DCAF12: variants seen among roughly 807,000 people sequenced by gnomAD.
DCAF12 encodes DDB1- and CUL4-associated factor 12.
DCAF12 carries 28 observed loss-of-function variants against 52.8 expected under a neutral mutation model. The observed-to-expected ratio is 0.53, with a 90% CI of 0.39 to 0.73. DCAF12 has a LOEUF of 0.73. Ranked by LOEUF, DCAF12 falls within the 30% of genes least tolerant of loss-of-function variation. The pLI is 0.00. For synonymous variants in DCAF12, 196 were observed against 215.5 expected, an observed-to-expected ratio of 0.91 and a Z score of 0.79; for missense variants, 425 against 552.2, an observed-to-expected ratio of 0.77 and a Z score of 2.31.
chr9:34,097,199 C>G (rs1056733860), intron 5 of DCAF12, among the ~76,000 whole-genome samples: 1 of 150,948 alleles, frequency 6.6e-6, no homozygotes, highest in Admixed American at 6.6e-5. Flanking sequence ...CAAACTGTGG[C>G]CTGATTCAGA....
At chr9:34,122,563 G>A (rs1287645935) in intron 2 of DCAF12, among the ~76,000 whole-genome samples, 2 of 142,342 alleles carry the variant, frequency 1.4e-5, no homozygotes, top group Non-Finnish European at 3.0e-5. Flanking sequence ...TACAACCTCC[G>A]CCTCCCGGGT....
At chr9:34,112,756 G>T (rs1210050431) in intron 2 of DCAF12, among the ~76,000 whole-genome samples, 1 of 151,764 alleles carries the variant, frequency 6.6e-6, no homozygotes, top group Non-Finnish European at 1.5e-5. Flanking sequence ...AAATTAGCCG[G>T]GTGTGGTGGC....
At chr9:34,091,276 G>A (rs1828639854) in intron 7 of DCAF12, among the ~76,000 whole-genome samples, 1 of 151,898 alleles carries the variant, frequency 6.6e-6, no homozygotes, top group Non-Finnish European at 1.5e-5. Flanking sequence ...GCAGTGAGCT[G>A]AGATCACACC....
chr9:34,102,099 G>A (rs563445746), intron 4 of DCAF12, among the ~76,000 whole-genome samples: 59 of 151,530 alleles, frequency 3.9e-4, no homozygotes, highest in Non-Finnish European at 8.1e-4. Flanking sequence ...CTGGGAGACC[G>A]GGTAACATGG....
chr9:34,116,381 AT>A (rs1224437484), intron 2 of DCAF12, among the ~76,000 whole-genome samples: 1 of 151,806 alleles, frequency 6.6e-6, no homozygotes, highest in Admixed American at 6.6e-5. Flanking sequence ...AAATAAATAA[AT>A]AAATCTGGCT....
chr9:34,104,651 C>T (rs774517270), intron 4 of DCAF12, among the ~76,000 whole-genome samples: 6 of 152,196 alleles, frequency 3.9e-5, no homozygotes, highest in Non-Finnish European at 7.3e-5. Context: ...TGCAGTGGCT[C>T]ATGCCTGTAA....
chr9:34,093,748 T>C (rs538232816), intron 6 of DCAF12: 166 of 296,212 alleles, frequency 5.6e-4, no homozygotes, highest in African/African-American at 3.4e-3. Flanking sequence ...GTTTCAACTA[T>C]TCAGGTTGTT....
At chr9:34,119,633 T>C (rs1829140641) in intron 2 of DCAF12, among the ~76,000 whole-genome samples, 1 of 152,042 alleles carries the variant, frequency 6.6e-6, no homozygotes, top group South Asian at 2.1e-4. Flanking sequence ...TTCTCAGGTG[T>C]GAACATTTTA....
At chr9:34,103,364 G>C (rs1828859361) in intron 4 of DCAF12, among the ~76,000 whole-genome samples, 1 of 149,162 alleles carries the variant, frequency 6.7e-6, no homozygotes, top group African/African-American at 2.5e-5. Context: ...CTAAGACATG[G>C]CCACTGCACT....
intron 4 of DCAF12, among the ~76,000 whole-genome samples, chr9:34,100,198 C>CTTT (rs35820744): frequency 1.7e-5 from 2 of 117,766 alleles, no homozygotes; most frequent in Non-Finnish European, 3.5e-5. Context: ...CCATGACTGG[C>CTTT]TTTTTTTTTT....
intron 2 of DCAF12, among the ~76,000 whole-genome samples, chr9:34,117,611 A>G (rs1829108005): frequency 6.6e-6 from 1 of 152,162 alleles, no homozygotes; most frequent in Admixed American, 6.6e-5. Flanking sequence ...ATCTAAACAA[A>G]TATTTGTTAA....
intron 2 of DCAF12, among the ~76,000 whole-genome samples, chr9:34,121,874 C>G (rs781768494): frequency 4.6e-5 from 7 of 152,146 alleles, no homozygotes; most frequent in Non-Finnish European, 8.8e-5. Flanking sequence ...ACCCAGGAGG[C>G]AGAGGTTGCA....
At chr9:34,111,860 C>T (rs529266935) in intron 2 of DCAF12, among the ~76,000 whole-genome samples, 87 of 152,144 alleles carry the variant, frequency 5.7e-4, no homozygotes, top group South Asian at 1.5e-3. Context: ...ATGGGCCAGG[C>T]GCAGTGGCTT....
At position 34,087,477 on chromosome 9, in the gene DCAF12, A is replaced by C. The variant is rs1399907002; in HGVS notation, c.*873T>G. 6 of 152,282 alleles carry C rather than the reference A, an allele frequency of 3.9e-5. No homozygotes were observed. The highest frequency in any genetic ancestry group is 2.1e-4 in the South Asian group (1 of 4,834). 9.4% of individuals were successfully genotyped at this position (152,282 alleles called of 1,614,324 possible). On this transcript the variant is annotated 3_prime_UTR_variant, in exon 9 of 9. Coordinates refer to ENST00000361264, the MANE Select transcript of DCAF12 (RefSeq NM_015397.4). ...AAGCTAGGATGGGGATTCAAGTCCC[A>C]TGAAGCCTTTTGTAGCCTCTGGAGC...
chr9:34,105,590 G>A (rs971558658), intron 4 of DCAF12, among the ~76,000 whole-genome samples: 16 of 152,124 alleles, frequency 1.1e-4, no homozygotes, highest in Non-Finnish European at 2.9e-5. Context: ...AGGATGCAGT[G>A]AGCTAGGATC....
Position 34,089,439 on chromosome 9 carries a change from C to T in DCAF12, c.1176G>A (p.Leu392=). The T allele has an allele frequency of 1.2e-6, 2 of 1,613,820 alleles. No individual in the cohort carries two copies. The highest frequency in any genetic ancestry group is 1.7e-6 in the Non-Finnish European group (2 of 1,179,864). ...GCCAGCCTTTGCCAGTGGTTAGTTT[C>T]AGATTCTCCCCTGCTAGTCTGGGCT... The part of the protein sequence containing the change: ...GSKPRLAGEN[L]KLTTGKGWLN... The change falls in exon 8 of 9, where the codon CTG becomes CTA. Residue 392 remains leucine, a synonymous_variant. Transcript: ENST00000361264.
chr9:34,117,732 T>C (rs1829109765), intron 2 of DCAF12, among the ~76,000 whole-genome samples: 2 of 152,058 alleles, frequency 1.3e-5, no homozygotes, highest in Non-Finnish European at 1.5e-5. Context: ...CTCACCAACA[T>C]GGAGAAACCC....
rs1240889826 is a variant in DCAF12 at position 34,087,389 on chromosome 9, G to A, written c.*961C>T. ...GGGGCTATGGATGTGAATCTTAGCA[G>A]ACTTGAGACTCCCAGCTCCAGGCCC... On this transcript the variant is annotated 3_prime_UTR_variant, in exon 9 of 9. Coordinates refer to ENST00000361264, the MANE Select transcript of DCAF12 (RefSeq NM_015397.4). 6.6e-6 allele frequency: 1 copy of A among 152,260 alleles called. No individual in the cohort carries two copies. Among genetic ancestry groups the A allele is most frequent in the African/African-American group, 2.4e-5 (1 of 41,466 alleles). 9.4% of individuals were successfully genotyped at this position (152,260 alleles called of 1,614,324 possible).
chr9:34,119,182 A>G (rs149572349), intron 2 of DCAF12, among the ~76,000 whole-genome samples: 1,586 of 152,250 alleles, frequency 0.01, 12 homozygotes, highest in Non-Finnish European at 0.016. Context: ...TGTATTTTTG[A>G]GCCCCTACTT....
Sources: allele counts gnomAD v4.1 joint callset (sites outside exome capture counted in the v4.1 genomes callset), GRCh38; gene constraint gnomAD v4.1.1; transcripts MANE v1.5; gene names NCBI Gene and HGNC (gene_info 2026-07-23, HGNC 2026-07-21).